The following ABCA12 variants were observed in gnomAD, a reference collection of about 807,000 sequenced individuals.
The protein encoded by ABCA12 is ATP binding cassette subfamily A member 12.
A neutral mutation model predicts 293.5 loss-of-function variants in ABCA12; 156 were observed. The observed-to-expected ratio is 0.53, with a 90% CI of 0.47 to 0.61. ABCA12 has a LOEUF of 0.61. ABCA12 is among the 20% of genes least tolerant of loss of function. The pLI is 0.00. For missense variants in ABCA12, 2,797 were observed against 3,090.2 expected (o/e 0.91, Z 2.25); for synonymous variants, 1,063 against 1,108.0 (o/e 0.96, Z 0.81).
chr2:214,997,913 T>C, intron 22 of ABCA12, 104 bp from the exon 23 acceptor site: 1 of 728,268 alleles, frequency 1.4e-6, no homozygotes, highest in Non-Finnish European at 2.4e-6. Flanking sequence ...ATTGAACTTA[T>C]GATCGTGTTT....
chr2:215,110,614 A>C (rs1702553307), intron 2 of ABCA12, among the ~76,000 whole-genome samples: 1 of 152,148 alleles, frequency 6.6e-6, no homozygotes, highest in Non-Finnish European at 1.5e-5. Flanking sequence ...CTGAGTTGAC[A>C]TTTTCTTTTG....
intron 3 of ABCA12, among the ~76,000 whole-genome samples, chr2:215,060,356 T>G (rs1294262710): frequency 6.6e-6 from 1 of 152,110 alleles, no homozygotes; most frequent in Non-Finnish European, 1.5e-5. Context: ...TGAATGGTTG[T>G]GCTTACATAA....
intron 6 of ABCA12, among the ~76,000 whole-genome samples, chr2:215,046,878 A>G (rs1701213797): frequency 6.6e-6 from 1 of 152,164 alleles, no homozygotes; most frequent in South Asian, 2.1e-4. Flanking sequence ...TACACCATGG[A>G]ATACTATGCA....
chr2:215,022,400 T>C (rs1442608436), intron 11 of ABCA12: 1 of 152,216 alleles, frequency 6.6e-6, no homozygotes. Flanking sequence ...TTGAGAAGCA[T>C]ATCCACCAAG....
chr2:215,116,558 T>C (rs1039368339), intron 1 of ABCA12, among the ~76,000 whole-genome samples: 1 of 152,114 alleles, frequency 6.6e-6, no homozygotes, highest in Non-Finnish European at 1.5e-5. Flanking sequence ...ATTTAAACAT[T>C]AAAATATATT....
chr2:214,966,155 C>T (rs1175461891), intron 39 of ABCA12, among the ~76,000 whole-genome samples: 2 of 152,102 alleles, frequency 1.3e-5, no homozygotes, highest in Non-Finnish European at 2.9e-5. Flanking sequence ...AAATACTGCA[C>T]GTTCTCACTT....
chr2:215,033,996 A>T (rs1189588883), intron 8 of ABCA12, among the ~76,000 whole-genome samples: 1 of 152,138 alleles, frequency 6.6e-6, no homozygotes, highest in Non-Finnish European at 1.5e-5. Flanking sequence ...AGACACAGCT[A>T]AAAAAATTGT....
rs1174741322 is a variant in ABCA12 at position 214,966,766 on chromosome 2, A to T, written c.5884+82T>A. 4.6e-6 allele frequency: 6 copies of T among 1,295,568 alleles called. No individual in the cohort carries two copies. In the East Asian group the frequency reaches 1.2e-4, roughly 25 times the overall value. The allele number at this position is 1,295,568 out of a possible 1,614,324, so 80.3% of individuals were successfully genotyped here. The stretch of plus-strand genomic sequence containing the variant: ...TACCATAAAATACCTGCCACCTGTG[A>T]AGAAACAGGATATAAAGTGCATTTT... On this transcript the variant is annotated intron_variant, in intron 39 of 52. Coordinates refer to ENST00000272895, the MANE Select transcript of ABCA12 (RefSeq NM_173076.3).
chr2:214,954,057 T>C lies in ABCA12; in HGVS notation c.6444A>G (p.Pro2148=), dbSNP rs568164233. 4 of 1,614,002 alleles carry C rather than the reference T, an allele frequency of 2.5e-6. No individual in the cohort carries two copies. Among genetic ancestry groups the C allele is most frequent in the Admixed American group, 3.3e-5 (2 of 60,006 alleles). ...TCAAACCGTAGCCAAAACAGAATTG[T>C]GGGAAAATCAGGAAAATGCGCTTGA... The part of the protein sequence containing the change: ...ETLKRIFLIF[P]QFCFGYGLIE... The change falls in exon 44 of 53, where the codon CCA becomes CCG. Residue 2148 remains proline (P), a synonymous_variant. Coordinates refer to ENST00000272895, the MANE Select transcript of ABCA12 (RefSeq NM_173076.3).
At chr2:215,103,403 G>A (rs897494325) in intron 2 of ABCA12, among the ~76,000 whole-genome samples, 2 of 151,318 alleles carry the variant, frequency 1.3e-5, no homozygotes, top group African/African-American at 4.9e-5. Flanking sequence ...CAAGTAGCTG[G>A]GATTACAGGT....
rs1365494944 is a variant in ABCA12, at chr2:215,064,688, TACACGCACAC to T, written c.164-479_164-470del. On this transcript the variant is annotated intron_variant, in intron 2 of 52. Transcript: ENST00000272895. ...GAACAGAAGAGTCCTAATCTTTTAA[TACACGCACAC>T]ACACACACACACACACACACACACA... Among the ~76,000 whole-genome samples, 817 of 128,682 alleles carry T rather than the reference TACACGCACAC, an allele frequency of 6.3e-3. 7 individuals carry two copies. Among genetic ancestry groups the T allele is most frequent in the African/African-American group, 0.025 (768 of 31,278 alleles). The allele number at this position is 128,682 out of a possible 152,430, so 84.4% of individuals were successfully genotyped here.
intron 44 of ABCA12, among the ~76,000 whole-genome samples, chr2:214,952,954 T>A (rs540353958): frequency 2.0e-5 from 3 of 152,362 alleles, no homozygotes; most frequent in African/African-American, 7.2e-5. Context: ...TACATGTACA[T>A]GTCATTAAAA....
intron 15 of ABCA12, among the ~76,000 whole-genome samples, chr2:215,014,855 C>T (rs1700456265): frequency 6.6e-6 from 1 of 152,206 alleles, no homozygotes; most frequent in South Asian, 2.1e-4. Flanking sequence ...ATTTTTGACC[C>T]AAGTGAAATT....
chr2:215,123,629 C>A (rs1030684288), intron 1 of ABCA12, among the ~76,000 whole-genome samples: 3 of 152,152 alleles, frequency 2.0e-5, no homozygotes, highest in African/African-American at 7.2e-5. Flanking sequence ...GTTTTATTTT[C>A]AATTTCTTGA....
In ABCA12 at chr2:214,951,042, G is replaced by A. The variant is rs1157368323; in HGVS notation, c.6689C>T (p.Thr2230Ile). ...RKFNSSHVRE[T>I]IDEDEDVRAE... ...CCGCACATCTTCATCCTCATCTATT[G>A]TCTCCCTTACATGTGAAGAATTAAA... The change falls in exon 45 of 53, where the codon ACA becomes ATA. Residue 2230 changes from threonine (T) to isoleucine (I), a missense_variant. Thr to Ile is a moderately conservative substitution (Grantham distance 89, BLOSUM62 -1). This residue lies in a region of ABCA12 where 2,130 missense variants were observed against 2,427.0 expected (regional missense o/e 0.88). Coordinates refer to ENST00000272895, the MANE Select transcript of ABCA12 (RefSeq NM_173076.3). 1 of 1,613,990 alleles carries A rather than the reference G, an allele frequency of 6.2e-7. No homozygotes were observed. The highest frequency in any genetic ancestry group is 1.1e-5 in the South Asian group (1 of 91,074).
intron 1 of ABCA12, among the ~76,000 whole-genome samples, chr2:215,134,599 C>CTATATA (rs1161603641): frequency 5.9e-5 from 5 of 85,272 alleles, no homozygotes; most frequent in African/African-American, 3.1e-4. Context: ...CTCTCTCTCT[C>CTATATA]TATATATATA....
chr2:214,974,744 G>A (rs1287079348), intron 35 of ABCA12, 34 bp downstream of exon 35: 2 of 1,605,776 alleles, frequency 1.2e-6, no homozygotes, highest in Non-Finnish European at 1.7e-6. Flanking sequence ...CTGGAATGCT[G>A]AAAACAAAAA....
chr2:215,057,945 A>T (rs1387171027), intron 3 of ABCA12, among the ~76,000 whole-genome samples: 1 of 152,064 alleles, frequency 6.6e-6, no homozygotes, highest in Non-Finnish European at 1.5e-5. Flanking sequence ...TTCTTATTAT[A>T]TGTAAAATAA....
chr2:214,960,128 C>CA (rs1285253336), intron 39 of ABCA12, among the ~76,000 whole-genome samples: 1 of 152,026 alleles, frequency 6.6e-6, no homozygotes, highest in African/African-American at 2.4e-5. Flanking sequence ...TAGAATGTAA[C>CA]ATCCTTTGAA....
Sources: allele counts gnomAD v4.1 joint callset (sites outside exome capture counted in the v4.1 genomes callset), GRCh38; gene constraint gnomAD v4.1.1; regional missense constraint gnomAD v4.1.1; transcripts MANE v1.5; gene names NCBI Gene and HGNC (gene_info 2026-07-23, HGNC 2026-07-21).